WDR81: variants seen among roughly 807,000 people sequenced by gnomAD.
WDR81 encodes the protein WD repeat-containing protein 81.
WDR81 carries 92 observed loss-of-function variants against 140.8 expected under a neutral mutation model. The ratio of observed to expected loss-of-function variants is 0.65; its 90% confidence interval spans 0.55 to 0.78. The LOEUF is 0.78. WDR81 is among the 30% of genes least tolerant of loss of function. The pLI, the probability that WDR81 is intolerant of heterozygous loss-of-function variation, is 0.00. For synonymous variants in WDR81, 1,183 were observed against 1,156.4 expected, an observed-to-expected ratio of 1.02 and a Z score of -0.47; for missense variants, 2,502 against 2,636.4, an observed-to-expected ratio of 0.95 and a Z score of 1.12.
At chr17:1,736,826 G>A (rs1966878895) in intron 9 of WDR81, among the ~76,000 whole-genome samples, 1 of 152,204 alleles carries the variant, frequency 6.6e-6, no homozygotes, top group African/African-American at 2.4e-5. Context: ...TTCCTCCCCA[G>A]CTTGGCTGGA....
In WDR81 at chr17:1,736,204, A is replaced by C. The variant is rs1375369609; in HGVS notation, c.5491A>C (p.Ile1831Leu). Reference sequence around the variant, plus strand: ...AGGCTGGCCAGCCCACGAGGGGGACATTCTGCAGATCAAGGTGACGGGCCG... The same window carrying C: ...AGGCTGGCCAGCCCACGAGGGGGACCTTCTGCAGATCAAGGTGACGGGCCG... ...LRGWPAHEGD[I>L]LQIKAVEGSV... is the part of the protein sequence containing the mutation. Residue 1831 changes from isoleucine to leucine, a missense_variant, in exon 9 of 10, where the codon ATT becomes CTT. Coordinates refer to ENST00000409644, the MANE Select transcript of WDR81 (RefSeq NM_001163809.2). 46 of 1,597,962 alleles carry C rather than the reference A, an allele frequency of 2.9e-5. No individual in the cohort carries two copies. The highest frequency in any genetic ancestry group is 3.8e-5 in the Non-Finnish European group (45 of 1,179,314).
rs1283895664 is a variant in WDR81, at chr17:1,735,219, G to A, written c.5180-353G>A. ...CCAAAGTGGGTGGATCATGAGGTCA[G>A]GAGATCGAGACCATCCAGGCTAACA... On this transcript the variant is annotated intron_variant, in intron 7 of 9. Coordinates refer to ENST00000409644, the MANE Select transcript of WDR81 (RefSeq NM_001163809.2). This position sits in a 1 kb window ranked among gnomAD's most constrained non-coding sequence, Gnocchi z 4.2. Among the ~76,000 whole-genome samples, 1 of 152,162 alleles carries A rather than the reference G, an allele frequency of 6.6e-6. No homozygotes were observed. The highest frequency in any genetic ancestry group is 1.5e-5 in the Non-Finnish European group (1 of 68,026).
At chr17:1,730,280 C>A in intron 1 of WDR81, 100 bp from the exon 2 acceptor site, 1 of 954,922 alleles carries the variant, frequency 1.0e-6, no homozygotes, top group Non-Finnish European at 1.5e-6. Flanking sequence ...CTTGGCAGAG[C>A]TGCAGCCGCA....
Position 1,724,712 on chromosome 17 carries a change from C to CGTCACGGTGG in WDR81, c.-247_-238dup, listed in dbSNP as rs530069451. ...ATCACGTGACCCGCGTCAGCTGACC[C>CGTCACGGTGG]GTCACGGTGGAGCCCGGTGCTCGCG... On this transcript the variant is annotated 5_prime_UTR_variant, in exon 1 of 10. Coordinates refer to ENST00000409644, the MANE Select transcript of WDR81 (RefSeq NM_001163809.2). 46 of 1,090,458 alleles carry CGTCACGGTGG rather than the reference C, an allele frequency of 4.2e-5. No individual in the cohort carries two copies. In the African/African-American group the frequency reaches 7.5e-4, roughly 18 times the overall value. 67.5% of individuals were successfully genotyped at this position (1,090,458 alleles called of 1,614,324 possible). A position where few individuals can be genotyped will look rare whatever the true frequency, so the allele number is the denominator to read the frequency against.
At position 1,732,458 on chromosome 17, in the gene WDR81, GTCT is replaced by G; in HGVS notation, c.4295_4297del (p.Phe1432del). 1.2e-6 allele frequency: 2 copies of G among 1,612,796 alleles called. No individual in the cohort carries two copies. Among genetic ancestry groups the G allele is most frequent in the Non-Finnish European group, 1.7e-6 (2 of 1,179,694 alleles). On this transcript the variant is annotated inframe_deletion, in exon 5 of 10. Coordinates refer to ENST00000409644, the MANE Select transcript of WDR81 (RefSeq NM_001163809.2). ...CGAGCCCGTGGCCACCTTTTTCCAG[GTCT>G]TCTCTCAGCTGCATGAGCTTCGGCA...
chr17:1,726,062 G>C lies in WDR81; in HGVS notation c.1103G>C (p.Arg368Pro). The change falls in exon 1 of 10, where the codon CGG (arginine) becomes CCG (proline). Residue 368 changes from arginine to proline, a missense_variant. Around this residue, in one of 3 missense-constraint regions of WDR81, gnomAD observed 547 missense variants for 513.8 expected, o/e 1.06. Coordinates refer to ENST00000409644, the MANE Select transcript of WDR81 (RefSeq NM_001163809.2). ...TTCCACTACCTCATGCAGCTGAATC[G>C]GTTGGCAGGTCGGCGGCAGGGGGAC... ...SNFHYLMQLNRLAGRRQGDPN... is the reference protein window; with the variant it reads ...SNFHYLMQLNPLAGRRQGDPN... 6.5e-7 allele frequency: 1 copy of C among 1,547,736 alleles called. No homozygotes were observed. Among genetic ancestry groups the C allele is most frequent in the South Asian group, 1.2e-5 (1 of 83,846 alleles).
intron 4 of WDR81, among the ~76,000 whole-genome samples, chr17:1,731,661 TG>T (rs1904359241): frequency 2.0e-5 from 3 of 152,046 alleles, no homozygotes. Context: ...CCCAGCACTT[TG>T]GGGGGCCAAG....
At chr17:1,718,615 AT>A (rs1167934629) in intron 1 of WDR81, among the ~76,000 whole-genome samples, 2 of 152,180 alleles carry the variant, frequency 1.3e-5, no homozygotes, top group Non-Finnish European at 2.9e-5. Context: ...ACCCAGGTAA[AT>A]ATTTTGCCTC....
Position 1,730,857 on chromosome 17 carries a change from G to C in WDR81, c.3878G>C (p.Gly1293Ala). 1 of 1,612,920 alleles carries C rather than the reference G, an allele frequency of 6.2e-7. No individual in the cohort carries two copies. Among genetic ancestry groups the C allele is most frequent in the East Asian group, 2.2e-5 (1 of 44,878 alleles). ...KRPVLGDIVS[G>A]PVLSCLLHIA... ...CCGGTCCTGGGCGACATCGTGTCAG[G>C]GCCTGTGCTCAGCTGCCTCCTCCAC... Residue 1293 changes from glycine to alanine, a missense_variant, in exon 3 of 10, where the codon GGG becomes GCG. Physicochemically the swap from Gly to Ala is moderately conservative, Grantham distance 60 (BLOSUM62 0). Transcript: ENST00000409644.
In WDR81 at chr17:1,725,311, C is replaced by T. The variant is rs1232142558; in HGVS notation, c.352C>T (p.Pro118Ser). ...HGLRKRRLSYPLGGGLPFEDG... is the reference protein window; with the variant it reads ...HGLRKRRLSYSLGGGLPFEDG... ...GCTGCGGAAGCGGAGACTGTCCTACCCTCTGGGCGGGGGCCTGCCCTTTGA... is the reference window on the plus strand; with the variant it reads ...GCTGCGGAAGCGGAGACTGTCCTACTCTCTGGGCGGGGGCCTGCCCTTTGA... The change falls in exon 1 of 10, where the codon CCT (proline) becomes TCT (serine). Residue 118 changes from proline (P) to serine (S), a missense_variant. Physicochemically the swap from Pro to Ser is moderately conservative, Grantham distance 74 (BLOSUM62 -1). Around this residue, in one of 3 missense-constraint regions of WDR81, gnomAD observed 547 missense variants for 513.8 expected, o/e 1.06. Coordinates refer to ENST00000409644, the MANE Select transcript of WDR81 (RefSeq NM_001163809.2). 3.2e-6 allele frequency: 5 copies of T among 1,548,346 alleles called. No homozygotes were observed. Among genetic ancestry groups the T allele is most frequent in the East Asian group, 2.4e-5 (1 of 40,938 alleles).
At position 1,735,557 on chromosome 17, in the gene WDR81, G is replaced by C. The variant is rs368264153; in HGVS notation, c.5180-15G>C. 1.1e-4 allele frequency: 173 copies of C among 1,589,522 alleles called. No homozygotes were observed. Among genetic ancestry groups the C allele is most frequent in the Non-Finnish European group, 1.5e-4 (170 of 1,166,650 alleles). On this transcript the variant is annotated splice_polypyrimidine_tract_variant and intron_variant, in intron 7 of 9. Transcript: ENST00000409644. This position sits in a 1 kb window ranked among gnomAD's most constrained non-coding sequence, Gnocchi z 4.2. ...GCTGCTGGGACCCCAGATCCACTGT[G>C]ACTTTCCTTCCCAGGGAAGACCCTT...
At chr17:1,728,931 C>T (rs1308868338) in intron 1 of WDR81, among the ~76,000 whole-genome samples, 4 of 152,010 alleles carry the variant, frequency 2.6e-5, no homozygotes, top group African/African-American at 4.8e-5. Context: ...CCAGCCTGGG[C>T]GACAGAGCGA....
In WDR81 at chr17:1,725,857, CG is replaced by C; in HGVS notation, c.899del (p.Arg300HisfsTer4). 6.4e-7 allele frequency: 1 copy of C among 1,550,644 alleles called. No individual in the cohort carries two copies. Among genetic ancestry groups the C allele is most frequent in the Non-Finnish European group, 8.7e-7 (1 of 1,146,824 alleles). On this transcript the variant is annotated frameshift_variant, in exon 1 of 10. Coordinates refer to ENST00000409644, the MANE Select transcript of WDR81 (RefSeq NM_001163809.2). LOFTEE classifies it high-confidence loss of function. Reference sequence around the variant, plus strand: ...GGATGAGAAGCTTTGCAGCGAGCTGCGACTGGACCTGAGTGCTTATGAGAGG... The same window carrying C: ...GGATGAGAAGCTTTGCAGCGAGCTGCACTGGACCTGAGTGCTTATGAGAGG... ...AVDEKLCSELRLDLSAYERPE... is the reference protein window; with the variant it reads ...AVDEKLCSELXLDLSAYERPE...
chr17:1,730,309 CGTGGGGTGGG>C, intron 1 of WDR81, 61 bp from the exon 2 acceptor site: 3 of 1,024,154 alleles, frequency 2.9e-6, no homozygotes, highest in Non-Finnish European at 3.8e-6. Context: ...AGTGGGGTGC[CGTGGGGTGGG>C]GTGGGAGGGG....
At chr17:1,716,966 A>C in intron 1 of WDR81, 1 of 448,838 alleles carries the variant, frequency 2.2e-6, no homozygotes, top group Admixed American at 4.0e-5. Flanking sequence ...GTCTCTTCCC[A>C]GTCCCAGAAG....
At chr17:1,729,877 G>A (rs369058667) in intron 1 of WDR81, among the ~76,000 whole-genome samples, 1 of 151,984 alleles carries the variant, frequency 6.6e-6, no homozygotes, top group African/African-American at 2.4e-5. Context: ...CAGGAGAATC[G>A]CTTGAACCCG....
chr17:1,716,887 G>A lies in WDR81; in HGVS notation c.-124+254G>A, dbSNP rs1459679227. 1.8e-5 allele frequency: 10 copies of A among 564,648 alleles called. No homozygotes were observed. The South Asian group carries it at 1.8e-4, about 10-fold the overall frequency. The allele number at this position is 564,648 out of a possible 1,614,324, so 35.0% of individuals were successfully genotyped here. ...CTCCAGGGTTTTTGGAGGAGGGAGGGTGCTCGCCTCGCCCAGCCCACTCCT... is the reference window on the plus strand; with the variant it reads ...CTCCAGGGTTTTTGGAGGAGGGAGGATGCTCGCCTCGCCCAGCCCACTCCT... On this transcript the variant is annotated intron_variant, in intron 1 of 10. Coordinates refer to the WDR81 transcript ENST00000309182.
chr17:1,727,226 G>A lies in WDR81; in HGVS notation c.2267G>A (p.Arg756Gln), dbSNP rs1457395294. The A allele has an allele frequency of 1.2e-5, 19 of 1,550,196 alleles. No homozygotes were observed. Among genetic ancestry groups the A allele is most frequent in the South Asian group, 8.3e-5 (7 of 84,060 alleles). Residue 756 changes from arginine (R) to glutamine (Q), a missense_variant, in exon 1 of 10, where the codon CGG (arginine) becomes CAG (glutamine). This residue lies in a region of WDR81 where 1,737 missense variants were observed against 1,843.0 expected (regional missense o/e 0.94). Transcript: ENST00000409644. ...CTGTTGGAGGTGCCTGAGCAGCCCC[G>A]GGTCCAGCCGGCTGTGCCACTGCAG... ...GGLLEVPEQP[R>Q]VQPAVPLQCL...
At chr17:1,717,527 T>G (rs1567712960) in intron 1 of WDR81, among the ~76,000 whole-genome samples, 1 of 152,170 alleles carries the variant, frequency 6.6e-6, no homozygotes, top group Non-Finnish European at 1.5e-5. Flanking sequence ...GCTCCAAAAT[T>G]CTGAGCCTGC....
Sources: gnomAD v4.1 joint callset for allele counts (sites outside exome capture counted in the v4.1 genomes callset) on GRCh38, gnomAD v4.1.1 for gene constraint, gnomAD v4.1.1 regional missense constraint, Gnocchi (gnomAD v3.1) non-coding constraint, MANE v1.5 for transcripts, NCBI Gene and HGNC (gene_info 2026-07-23, HGNC 2026-07-21) for gene names.